Variants in ZBTB8A observed in about 807,000 individuals in gnomAD.
ZBTB8A encodes zinc finger and BTB domain containing 8A.
A neutral mutation model predicts 37.8 loss-of-function variants in ZBTB8A; 19 were observed. The observed-to-expected ratio is 0.50, with a 90% CI of 0.35 to 0.74. The LOEUF (loss-of-function observed/expected upper bound fraction) is 0.74, where lower values mean the gene tolerates loss of function less well. Among genes scored for constraint, ZBTB8A ranks in the 30% least tolerant of loss-of-function variants. ZBTB8A has a pLI of 0.01. For synonymous variants in ZBTB8A, 181 were observed against 185.2 expected, an observed-to-expected ratio of 0.98 and a Z score of 0.19; for missense variants, 394 against 537.8, an observed-to-expected ratio of 0.73 and a Z score of 2.65.
At chr1:32,581,460 T>G (rs1347202961) in intron 2 of ZBTB8A, among the ~76,000 whole-genome samples, 1 of 150,184 alleles carries the variant, frequency 6.7e-6, no homozygotes, top group Non-Finnish European at 1.5e-5. Context: ...CAAGCGATTC[T>G]TCTGCCTCAG....
rs1327261471 is a variant in ZBTB8A at position 32,602,348 on chromosome 1, ACTT to A, written c.*1932_*1934del. On this transcript the variant is annotated 3_prime_UTR_variant, in exon 5 of 5. Transcript: ENST00000373510. ...CGTCTCAAAAAAAAAAAAAAAAAAA[ACTT>A]CTCCCCTGCATAAATTATGAAACAT... 1.3e-5 allele frequency: 2 copies of A among 151,212 alleles called. No homozygotes were observed. The highest frequency in any genetic ancestry group is 2.1e-4 in the South Asian group (1 of 4,764). The allele number at this position is 151,212 out of a possible 1,614,324, so 9.4% of individuals were successfully genotyped here. A position where few individuals can be genotyped will look rare whatever the true frequency, so the allele number is the denominator to read the frequency against.
intron 1 of ZBTB8A, among the ~76,000 whole-genome samples, chr1:32,546,792 C>A (rs935897479): frequency 1.3e-5 from 2 of 152,210 alleles, no homozygotes; most frequent in Admixed American, 6.5e-5. Flanking sequence ...ATGTGAAACA[C>A]GGAGGGCATA....
At chr1:32,552,927 A>T (rs1321867999) in intron 1 of ZBTB8A, among the ~76,000 whole-genome samples, 1 of 148,270 alleles carries the variant, frequency 6.7e-6, no homozygotes, top group Admixed American at 6.8e-5. Context: ...TATATTACAT[A>T]TTTGTTCTAT....
chr1:32,551,900 C>CT (rs975624548), intron 1 of ZBTB8A, among the ~76,000 whole-genome samples: 8 of 150,918 alleles, frequency 5.3e-5, no homozygotes, highest in Non-Finnish European at 1.0e-4. Flanking sequence ...CCTGTACTTT[C>CT]TTTTTTTTTC....
At chr1:32,578,703 A>T (rs1644381494) in intron 2 of ZBTB8A, among the ~76,000 whole-genome samples, 1 of 151,240 alleles carries the variant, frequency 6.6e-6, no homozygotes, top group Non-Finnish European at 1.5e-5. Context: ...TTATTTATTT[A>T]TTATTTATTT....
intron 2 of ZBTB8A, among the ~76,000 whole-genome samples, chr1:32,574,207 T>G (rs1644344235): frequency 6.6e-6 from 1 of 152,248 alleles, no homozygotes; most frequent in African/African-American, 2.4e-5. Flanking sequence ...AGAAGTTTAA[T>G]GTTTAATTTC....
At chr1:32,558,731 A>G (rs1370779620) in intron 2 of ZBTB8A, among the ~76,000 whole-genome samples, 1 of 152,184 alleles carries the variant, frequency 6.6e-6, no homozygotes, top group Non-Finnish European at 1.5e-5. Context: ...GACACAGATG[A>G]AGGAGTACAT....
chr1:32,574,983 C>A (rs1246237824), intron 2 of ZBTB8A, among the ~76,000 whole-genome samples: 1 of 152,022 alleles, frequency 6.6e-6, no homozygotes, highest in Non-Finnish European at 1.5e-5. Flanking sequence ...CTGTGTTGCC[C>A]AGGCTGGTCT....
chr1:32,586,768 G>C (rs1030986265), intron 2 of ZBTB8A, among the ~76,000 whole-genome samples: 1 of 152,098 alleles, frequency 6.6e-6, no homozygotes, highest in Admixed American at 6.6e-5. Context: ...GGTTAGAGAA[G>C]TACTGGGATG....
At chr1:32,580,811 C>G (rs536096446) in intron 2 of ZBTB8A, among the ~76,000 whole-genome samples, 3 of 151,760 alleles carry the variant, frequency 2.0e-5, no homozygotes, top group Non-Finnish European at 4.4e-5. Context: ...CTCATGCCAG[C>G]ATCTGGCAAG....
intron 2 of ZBTB8A, among the ~76,000 whole-genome samples, chr1:32,564,282 A>T (rs1485842899): frequency 6.6e-6 from 1 of 152,216 alleles, no homozygotes; most frequent in African/African-American, 2.4e-5. Flanking sequence ...ACTCCATCCC[A>T]GTGCCAAGCT....
At chr1:32,547,112 C>G (rs988794300) in intron 1 of ZBTB8A, among the ~76,000 whole-genome samples, 7 of 152,064 alleles carry the variant, frequency 4.6e-5, no homozygotes, top group African/African-American at 1.7e-4. Flanking sequence ...CCATGTTGCC[C>G]AGGCTGGTCT....
chr1:32,554,576 G>T (rs749434022), intron 2 of ZBTB8A, among the ~76,000 whole-genome samples: 1 of 151,478 alleles, frequency 6.6e-6, no homozygotes, highest in Non-Finnish European at 1.5e-5. Context: ...CCACCTCCCA[G>T]GTTCAAGCAG....
In ZBTB8A at chr1:32,605,133, G is replaced by A. The variant is rs1317010999; in HGVS notation, c.*4714G>A. ...CCACTGCACTCCAGCCTGGGTGACA[G>A]AGCGAGACTCCATCAAAAAAAAAAA... On this transcript the variant is annotated 3_prime_UTR_variant, in exon 5 of 5. Transcript: ENST00000373510. 8.1e-6 allele frequency: 1 copy of A among 122,990 alleles called. No individual in the cohort carries two copies. The highest frequency in any genetic ancestry group is 2.4e-4 in the East Asian group (1 of 4,188). 7.6% of individuals were successfully genotyped at this position (122,990 alleles called of 1,614,324 possible).
intron 2 of ZBTB8A, among the ~76,000 whole-genome samples, chr1:32,586,844 C>T (rs1429582536): frequency 6.6e-6 from 1 of 152,058 alleles, no homozygotes; most frequent in Admixed American, 6.6e-5. Flanking sequence ...GATGATAAAC[C>T]ATTGGAAGGT....
chr1:32,546,695 A>G (rs1644107101), intron 1 of ZBTB8A, among the ~76,000 whole-genome samples: 1 of 152,166 alleles, frequency 6.6e-6, no homozygotes, highest in Non-Finnish European at 1.5e-5. Flanking sequence ...TAATGATTGT[A>G]TCAAAAGATG....
intron 2 of ZBTB8A, among the ~76,000 whole-genome samples, chr1:32,567,791 CAAAAAAAA>C (rs1214976482): frequency 0.018 from 118 of 6,444 alleles, 11 homozygotes; most frequent in African/African-American, 0.085. Flanking sequence ...GATTCTGTCT[CAAAAAAAA>C]AAAAAAAAAA....
rs897343492 is a variant in ZBTB8A at position 32,603,835 on chromosome 1, A to C, written c.*3416A>C. 6.6e-6 allele frequency: 1 copy of C among 152,638 alleles called. No individual in the cohort carries two copies. Among genetic ancestry groups the C allele is most frequent in the Non-Finnish European group, 1.5e-5 (1 of 68,044 alleles). 9.5% of individuals were successfully genotyped at this position (152,638 alleles called of 1,614,324 possible). On this transcript the variant is annotated 3_prime_UTR_variant, in exon 5 of 5. Coordinates refer to ENST00000373510, the MANE Select transcript of ZBTB8A (RefSeq NM_001040441.3). ...ATCAAGTTCACCAAACTAGACAAAG[A>C]ATCTGTTGTATCATTTTAACATCAT...
At chr1:32,596,401 T>C (rs1286284497) in intron 4 of ZBTB8A, among the ~76,000 whole-genome samples, 1 of 146,192 alleles carries the variant, frequency 6.8e-6, no homozygotes, top group Non-Finnish European at 1.5e-5. Context: ...CTGGCTAACA[T>C]GGTGAAACCC....
Sources: gnomAD v4.1 joint callset for allele counts (sites outside exome capture counted in the v4.1 genomes callset) on GRCh38, gnomAD v4.1.1 for gene constraint, MANE v1.5 for transcripts, NCBI Gene and HGNC (gene_info 2026-07-23, HGNC 2026-07-21) for gene names.